Variants in KNL1 observed in about 807,000 individuals in gnomAD.
KNL1 encodes outer kinetochore KNL1 complex subunit KNL1.
Under a neutral mutation model 201.3 loss-of-function variants are expected in KNL1, and 66 were observed. The observed-to-expected ratio is 0.33, with a 90% CI of 0.27 to 0.40. KNL1 has a LOEUF of 0.40. KNL1 is among the 10% of genes least tolerant of loss of function. KNL1 has a pLI of 1.00. For missense variants in KNL1, 2,815 were observed against 2,690.5 expected (o/e 1.05, Z -1.02); for synonymous variants, 895 against 899.2 (o/e 1.00, Z 0.08).
rs373765584 is a variant in KNL1, at chr15:40,650,347, A to G, written c.6141A>G (p.Glu2047=). The G allele has an allele frequency of 5.6e-6, 9 of 1,613,002 alleles. No individual in the cohort carries two copies. The African/African-American group carries it at 1.2e-4, about 22-fold the overall frequency. ...AAGAGAAAAACAATCCTGTGGAAGA[A>G]TGGGATTCTGAAATGAGAGCTGCAG... ...EDEEKNNPVE[E]WDSEMRAAEK... The change falls in exon 18 of 26, where the codon GAA becomes GAG. Residue 2047 remains glutamate, a synonymous_variant. Coordinates refer to ENST00000399668, the MANE Select transcript of KNL1 (RefSeq NM_144508.5).
intron 4 of KNL1, among the ~76,000 whole-genome samples, chr15:40,607,524 T>C (rs532651683): frequency 6.6e-6 from 1 of 152,304 alleles, no homozygotes; most frequent in African/African-American, 2.4e-5. Context: ...AGTAAAACTC[T>C]CTGTGGATTT....
intron 9 of KNL1, 34 bp from the exon 10 acceptor site, chr15:40,620,606 T>A: frequency 7.1e-7 from 1 of 1,407,282 alleles, no homozygotes; most frequent in Non-Finnish European, 9.6e-7. Flanking sequence ...AGTTTGCTTT[T>A]GTTCTGATCT....
chr15:40,658,527 CAAAA>C (rs35756393), intron 24 of KNL1, among the ~76,000 whole-genome samples: 87 of 8,806 alleles, frequency 9.9e-3, no homozygotes, highest in African/African-American at 0.037. Context: ...GACTCCATCT[CAAAA>C]AAAAAAAAAA....
chr15:40,662,033 C>A (rs376882809), intron 25 of KNL1, 41 bp from the exon 26 acceptor site: 11 of 1,184,172 alleles, frequency 9.3e-6, no homozygotes, highest in Non-Finnish European at 1.4e-5. Context: ...AGCGAGACTC[C>A]GTCGCAAAAA....
intron 1 of KNL1, among the ~76,000 whole-genome samples, chr15:40,597,890 C>T (rs1170809897): frequency 3.3e-5 from 5 of 151,904 alleles, no homozygotes; most frequent in Non-Finnish European, 1.5e-5. Flanking sequence ...AAAATATTTC[C>T]CCTGGGCGCG....
intron 13 of KNL1, among the ~76,000 whole-genome samples, chr15:40,639,159 CT>C (rs112481283): frequency 1.4e-3 from 193 of 138,198 alleles, no homozygotes; most frequent in Admixed American, 2.0e-3. Context: ...CTTAAAAATC[CT>C]TTTTTTTTTT....
chr15:40,650,962 A>C (rs1893538608), intron 19 of KNL1, among the ~76,000 whole-genome samples: 1 of 152,156 alleles, frequency 6.6e-6, no homozygotes, highest in Non-Finnish European at 1.5e-5. Flanking sequence ...TCTAGTTGAC[A>C]ACATTAATTT....
At chr15:40,638,275 G>A (rs1349985833) in intron 13 of KNL1, among the ~76,000 whole-genome samples, 1 of 149,184 alleles carries the variant, frequency 6.7e-6, no homozygotes, top group East Asian at 2.0e-4. Flanking sequence ...GGGGAAGGAA[G>A]GGAAGGGAAG....
chr15:40,608,768 G>A, intron 4 of KNL1, 79 bp from the exon 5 acceptor site: 1 of 792,254 alleles, frequency 1.3e-6, no homozygotes, highest in Non-Finnish European at 2.0e-6. Flanking sequence ...AAAAGGACTT[G>A]ATCTCTGTCT....
chr15:40,598,806 T>C (rs1468305012), intron 1 of KNL1, among the ~76,000 whole-genome samples: 2 of 152,146 alleles, frequency 1.3e-5, no homozygotes, highest in African/African-American at 4.8e-5. Context: ...AAAGAAATTT[T>C]TTTAAATTTG....
chr15:40,655,663 C>T (rs766822975), intron 22 of KNL1, among the ~76,000 whole-genome samples: 9 of 151,690 alleles, frequency 5.9e-5, no homozygotes, highest in Non-Finnish European at 1.0e-4. Flanking sequence ...GCCTGTAATC[C>T]CAGCACTCTG....
Position 40,616,356 on chromosome 15 carries a change from AC to A in KNL1, c.322+980del, listed in dbSNP as rs1337336849. On this transcript the variant is annotated intron_variant, in intron 8 of 25. Coordinates refer to ENST00000399668, the MANE Select transcript of KNL1 (RefSeq NM_144508.5). ...TGGCCAGGCTGCTCTCAAACTCCTG[AC>A]CTCAGGTGATCCACCCGCCTCGGCC... is the stretch of plus-strand genomic sequence containing the variant. 2.8e-5 allele frequency among the ~76,000 whole-genome samples: 4 copies of A among 144,156 alleles called. No individual in the cohort carries two copies. The East Asian group carries it at 8.5e-4, about 31-fold the overall frequency. 94.6% of individuals were successfully genotyped at this position (144,156 alleles called of 152,430 possible). A position where few individuals can be genotyped will look rare whatever the true frequency, so the allele number is the denominator to read the frequency against.
At chr15:40,595,899 G>C (rs991163052) in intron 1 of KNL1, among the ~76,000 whole-genome samples, 4 of 152,126 alleles carry the variant, frequency 2.6e-5, no homozygotes, top group African/African-American at 9.7e-5. Flanking sequence ...GATATCGGTC[G>C]TATAAATGTA....
At chr15:40,611,860 T>C (rs1045945645) in intron 7 of KNL1, among the ~76,000 whole-genome samples, 1 of 152,184 alleles carries the variant, frequency 6.6e-6, no homozygotes, top group Non-Finnish European at 1.5e-5. Flanking sequence ...TTATTCATCA[T>C]AAGAGAAGTA....
Position 40,625,279 on chromosome 15 carries a change from A to G in KNL1, c.5015A>G (p.Glu1672Gly). The change falls in exon 10 of 26, where the codon GAA (glutamate) becomes GGA (glycine). Residue 1672 changes from glutamate (E) to glycine (G), a missense_variant. Around this residue, in one of 3 missense-constraint regions of KNL1, gnomAD observed 2,464 missense variants for 2,291.7 expected, o/e 1.08. Coordinates refer to ENST00000399668, the MANE Select transcript of KNL1 (RefSeq NM_144508.5). ...AGTGTCACTGGTATTGATGACCTGG[A>G]ACAGATTCCAGCAGACACAACTGAT... Reference protein sequence around the residue: ...NCSVTGIDDLEQIPADTTDIN... With the variant: ...NCSVTGIDDLGQIPADTTDIN... 2 of 1,614,130 alleles carry G rather than the reference A, an allele frequency of 1.2e-6. No homozygotes were observed. The highest frequency in any genetic ancestry group is 1.7e-6 in the Non-Finnish European group (2 of 1,179,988).
intron 13 of KNL1, among the ~76,000 whole-genome samples, chr15:40,633,627 A>G (rs1892975761): frequency 6.6e-6 from 1 of 151,942 alleles, no homozygotes; most frequent in Non-Finnish European, 1.5e-5. Context: ...TGCAGCTTCA[A>G]CCTCCTGTGC....
chr15:40,643,837 G>A (rs1893304939), intron 14 of KNL1, among the ~76,000 whole-genome samples: 2 of 152,242 alleles, frequency 1.3e-5, no homozygotes, highest in South Asian at 4.2e-4. Flanking sequence ...GAATAATCAG[G>A]CTTTTCTTGA....
chr15:40,601,041 A>G (rs1406432134), intron 1 of KNL1, among the ~76,000 whole-genome samples: 3 of 152,112 alleles, frequency 2.0e-5, no homozygotes, highest in Non-Finnish European at 2.9e-5. Flanking sequence ...GGTGTCCCCA[A>G]CCCCCTGGGC....
chr15:40,625,834 A>G (rs1244521810), intron 10 of KNL1, 194 bp downstream of exon 10: 2 of 499,410 alleles, frequency 4.0e-6, no homozygotes, highest in Non-Finnish European at 7.1e-6. Context: ...ACTTCAAAGC[A>G]ATTTAAAGTG....
Sources: allele counts gnomAD v4.1 joint callset (sites outside exome capture counted in the v4.1 genomes callset), GRCh38; gene constraint gnomAD v4.1.1; regional missense constraint gnomAD v4.1.1; transcripts MANE v1.5; gene names NCBI Gene and HGNC (gene_info 2026-07-23, HGNC 2026-07-21).